Variants in MDGA2 observed in about 807,000 individuals in gnomAD.
The protein encoded by MDGA2 is MAM domain-containing glycosylphosphatidylinositol anchor protein 2.
A neutral mutation model predicts 117.8 loss-of-function variants in MDGA2; 40 were observed. The observed-to-expected ratio is 0.34, with a 90% CI of 0.26 to 0.44. The LOEUF (loss-of-function observed/expected upper bound fraction) is 0.44. Among genes scored for constraint, MDGA2 ranks in the 20% least tolerant of loss-of-function variants. The pLI, the probability that MDGA2 is intolerant of heterozygous loss-of-function variation, is 1.00. For missense variants in MDGA2, 1,123 were observed against 1,250.6 expected (o/e 0.90, Z 1.54); for synonymous variants, 452 against 439.0 (o/e 1.03, Z -0.37).
chr14:47,501,073 T>C (rs1156464116), intron 1 of MDGA2, among the ~76,000 whole-genome samples: 1 of 152,164 alleles, frequency 6.6e-6, no homozygotes, highest in Non-Finnish European at 1.5e-5. Context: ...GAAAGTGGAA[T>C]AGTCAGATAT....
intron 2 of MDGA2, among the ~76,000 whole-genome samples, chr14:47,229,657 T>TAA (rs1016696135): frequency 6.7e-6 from 1 of 149,868 alleles, no homozygotes; most frequent in Admixed American, 6.7e-5. Flanking sequence ...TTTAAAAATC[T>TAA]AAAAAAAAAT....
At chr14:46,976,822 GA>G (rs1428722973) in intron 8 of MDGA2, among the ~76,000 whole-genome samples, 1 of 151,822 alleles carries the variant, frequency 6.6e-6, no homozygotes, top group Non-Finnish European at 1.5e-5. Flanking sequence ...CTCACAGATA[GA>G]AAGGAACTGT....
At chr14:47,550,846 C>T (rs960694496) in intron 1 of MDGA2, among the ~76,000 whole-genome samples, 4 of 152,020 alleles carry the variant, frequency 2.6e-5, no homozygotes, top group African/African-American at 4.8e-5. Flanking sequence ...TTTTGATAAC[C>T]GGGTAACACA....
chr14:47,102,739 C>T (rs747480137), intron 5 of MDGA2, among the ~76,000 whole-genome samples: 8 of 152,168 alleles, frequency 5.3e-5, no homozygotes, highest in Non-Finnish European at 1.0e-4. Context: ...ACTCCTGTCC[C>T]TCATTAATTG....
intron 5 of MDGA2, among the ~76,000 whole-genome samples, chr14:47,098,717 T>A (rs1365384950): frequency 6.6e-6 from 1 of 151,884 alleles, no homozygotes. Context: ...AATATAGAGA[T>A]CTCAACATTT....
chr14:46,931,472 T>G (rs555313686), intron 9 of MDGA2, among the ~76,000 whole-genome samples: 1 of 151,710 alleles, frequency 6.6e-6, no homozygotes, highest in East Asian at 1.9e-4. Context: ...AATTTTTAGT[T>G]ATAATTTAGA....
At chr14:47,086,951 T>A (rs147720468) in intron 6 of MDGA2, among the ~76,000 whole-genome samples, 1 of 152,214 alleles carries the variant, frequency 6.6e-6, no homozygotes, top group Non-Finnish European at 1.5e-5. Context: ...ATGAACTCTA[T>A]GGCCTCAGGG....
At chr14:47,417,804 T>A (rs1447364191) in intron 1 of MDGA2, among the ~76,000 whole-genome samples, 1 of 152,094 alleles carries the variant, frequency 6.6e-6, no homozygotes, top group East Asian at 1.9e-4. Flanking sequence ...CTTGGCCTCC[T>A]TGGAGCTCAA....
At chr14:47,666,976 GAA>G (rs1054010352) in intron 1 of MDGA2, among the ~76,000 whole-genome samples, 15 of 151,916 alleles carry the variant, frequency 9.9e-5, no homozygotes, top group African/African-American at 3.6e-4. Context: ...CCACTAGAAG[GAA>G]AAAACTCCGA....
At chr14:47,223,213 C>T (rs563808825) in intron 2 of MDGA2, among the ~76,000 whole-genome samples, 11 of 152,102 alleles carry the variant, frequency 7.2e-5, no homozygotes, top group Admixed American at 2.0e-4. Context: ...GTGGGAATTC[C>T]GGTAGATAAA....
In MDGA2 at chr14:46,865,617, G is replaced by A. The variant is rs867848980; in HGVS notation, c.2752+7816C>T. Among the ~76,000 whole-genome samples, 1,415 of 152,002 alleles carry A rather than the reference G, an allele frequency of 9.3e-3. 17 individuals carry two copies. The highest frequency in any genetic ancestry group is 0.03 in the African/African-American group (1,254 of 41,460). ...AGTCAAATTGTCCCTGTTTGCAGACGACATGATTGTATATCTAGAAAACCC... is the reference window on the plus strand; with the variant it reads ...AGTCAAATTGTCCCTGTTTGCAGACAACATGATTGTATATCTAGAAAACCC... On this transcript the variant is annotated intron_variant, in intron 14 of 16. Coordinates refer to ENST00000399232, the MANE Select transcript of MDGA2 (RefSeq NM_001113498.3).
chr14:47,147,083 A>G (rs145270823), intron 3 of MDGA2, among the ~76,000 whole-genome samples: 1 of 152,106 alleles, frequency 6.6e-6, no homozygotes, highest in East Asian at 1.9e-4. Context: ...AAATGATGGC[A>G]CAGCTAAAAA....
In MDGA2 at chr14:47,337,890, T is replaced by G. The variant is rs1012747476; in HGVS notation, c.281-36340A>C. Among the ~76,000 whole-genome samples, 6 of 152,042 alleles carry G rather than the reference T, an allele frequency of 3.9e-5. No individual in the cohort carries two copies. The East Asian group carries it at 1.2e-3, about 29-fold the overall frequency. On this transcript the variant is annotated intron_variant, in intron 1 of 16. Transcript: ENST00000399232. ...CACCTGCATTGCCCACTTTGTTTAGTGTAAGCTAGTCTATGAATACCCCTT... is the reference window on the plus strand; with the variant it reads ...CACCTGCATTGCCCACTTTGTTTAGGGTAAGCTAGTCTATGAATACCCCTT...
intron 8 of MDGA2, among the ~76,000 whole-genome samples, chr14:47,012,910 A>G (rs1887945668): frequency 6.6e-6 from 1 of 152,276 alleles, no homozygotes; most frequent in Admixed American, 6.5e-5. Flanking sequence ...GTCTAAAAAA[A>G]CAATGTACGT....
intron 8 of MDGA2, among the ~76,000 whole-genome samples, chr14:47,007,748 C>A (rs1887761626): frequency 6.6e-6 from 1 of 151,912 alleles, no homozygotes; most frequent in African/African-American, 2.4e-5. Context: ...CCAATCATTT[C>A]TCTTGTCCCT....
chr14:47,665,567 A>G (rs2024914), intron 1 of MDGA2, among the ~76,000 whole-genome samples: 151,270 of 152,282 alleles, frequency 0.99, 75,144 homozygotes, highest in South Asian at 1. Flanking sequence ...TGCGCTGGGC[A>G]CTTGTGGGCC....
chr14:47,134,525 C>T (rs1253003295), intron 4 of MDGA2, among the ~76,000 whole-genome samples: 1 of 151,572 alleles, frequency 6.6e-6, no homozygotes, highest in Non-Finnish European at 1.5e-5. Context: ...CTAGATTGTG[C>T]TTTTAGGTTT....
intron 1 of MDGA2, among the ~76,000 whole-genome samples, chr14:47,407,705 A>G (rs887279724): frequency 2.0e-5 from 3 of 152,226 alleles, no homozygotes; most frequent in Non-Finnish European, 4.4e-5. Flanking sequence ...TTTCTGATTC[A>G]TCGTTAATCA....
At chr14:47,572,219 G>A (rs1319919091) in intron 1 of MDGA2, among the ~76,000 whole-genome samples, 3 of 152,100 alleles carry the variant, frequency 2.0e-5, no homozygotes, top group Non-Finnish European at 4.4e-5. Flanking sequence ...CAAAATACAA[G>A]GTATGTGCGT....
Sources: allele counts gnomAD v4.1 joint callset (sites outside exome capture counted in the v4.1 genomes callset), GRCh38; gene constraint gnomAD v4.1.1; transcripts MANE v1.5; gene names NCBI Gene and HGNC (gene_info 2026-07-23, HGNC 2026-07-21).